Variants in FOXP2 observed in about 807,000 individuals in gnomAD.
FOXP2 encodes forkhead box protein P2.
In FOXP2, 12 loss-of-function variants were observed where a neutral mutation model predicts 115.8. That is an observed-to-expected ratio of 0.10 (90% CI 0.07 to 0.17). The LOEUF is 0.17. Among genes scored for constraint, FOXP2 ranks in the 10% least tolerant of loss-of-function variants. FOXP2 has a pLI of 1.00. For missense variants in FOXP2, 629 were observed against 843.5 expected (o/e 0.75, Z 3.15); for synonymous variants, 328 against 297.7 (o/e 1.10, Z -1.05).
At chr7:114,501,378 A>G (rs1439063880) in intron 2 of FOXP2, among the ~76,000 whole-genome samples, 7 of 152,180 alleles carry the variant, frequency 4.6e-5, no homozygotes, top group Non-Finnish European at 1.0e-4. Context: ...AGCTGTGCAC[A>G]TCATTTCTTA....
At chr7:114,136,871 C>T (rs1433807414) in intron 1 of FOXP2, among the ~76,000 whole-genome samples, 7 of 151,970 alleles carry the variant, frequency 4.6e-5, no homozygotes, top group Admixed American at 3.9e-4. Flanking sequence ...TATTATTCCA[C>T]AGTGAATCCC....
chr7:114,454,482 C>A (rs919931059), intron 2 of FOXP2, among the ~76,000 whole-genome samples: 16 of 151,798 alleles, frequency 1.1e-4, no homozygotes, highest in Non-Finnish European at 2.2e-4. Flanking sequence ...GGATCTAGAA[C>A]TAGAAATACC....
intron 16 of FOXP2, among the ~76,000 whole-genome samples, chr7:114,681,347 A>T (rs1318977254): frequency 6.6e-6 from 1 of 152,184 alleles, no homozygotes; most frequent in Admixed American, 6.6e-5. Context: ...ACTTTCTAAC[A>T]GGCTTATATA....
intron 16 of FOXP2, chr7:114,667,641 G>C (rs1323672117): frequency 6.6e-6 from 1 of 152,034 alleles, no homozygotes; most frequent in Non-Finnish European, 1.5e-5. Flanking sequence ...ATACATAAGG[G>C]AATACAGAAT....
At chr7:114,579,031 T>G (rs561775187) in intron 3 of FOXP2, among the ~76,000 whole-genome samples, 1 of 152,304 alleles carries the variant, frequency 6.6e-6, no homozygotes, top group South Asian at 2.1e-4. Flanking sequence ...TTTCTCTTTA[T>G]TTAGACTATA....
At chr7:114,582,241 G>GT (rs1801909139) in intron 3 of FOXP2, among the ~76,000 whole-genome samples, 1 of 152,128 alleles carries the variant, frequency 6.6e-6, no homozygotes, top group Admixed American at 6.5e-5. Context: ...TCTGAATTGG[G>GT]TAGAAATTTA....
chr7:114,401,354 T>C lies in FOXP2; in HGVS notation c.-10-25148T>C, dbSNP rs182114150. 1.5e-3 allele frequency among the ~76,000 whole-genome samples: 231 copies of C among 152,332 alleles called. 1 individual carries two copies. The highest frequency in any genetic ancestry group is 5.1e-3 in the African/African-American group (213 of 41,576). On this transcript the variant is annotated intron_variant, in intron 2 of 17. Transcript: ENST00000634411. ...TCCAGAAAGTTTGCACTGAAACTTT[T>C]GCTTTTTTAAAGAAACAGTTTCTTC...
chr7:114,460,231 C>G (rs1414270704), intron 2 of FOXP2, among the ~76,000 whole-genome samples: 3 of 152,108 alleles, frequency 2.0e-5, no homozygotes, highest in South Asian at 2.1e-4. Flanking sequence ...AGTCATGGCT[C>G]AAAGAACCCA....
intron 2 of FOXP2, among the ~76,000 whole-genome samples, chr7:114,492,565 C>G (rs996831459): frequency 6.6e-6 from 1 of 152,016 alleles, no homozygotes; most frequent in South Asian, 2.1e-4. Context: ...ATAAATTTCC[C>G]TCCACACACT....
chr7:114,483,291 A>G (rs1718791529), intron 2 of FOXP2, among the ~76,000 whole-genome samples: 2 of 151,494 alleles, frequency 1.3e-5, no homozygotes, highest in Non-Finnish European at 1.5e-5. Context: ...GGATTATTGC[A>G]TGGTTGGTCT....
chr7:114,609,641 T>G (rs1208317258), intron 3 of FOXP2, among the ~76,000 whole-genome samples: 1 of 152,228 alleles, frequency 6.6e-6, no homozygotes, highest in African/African-American at 2.4e-5. Flanking sequence ...TTTTGAGCCT[T>G]CAATTTTATG....
chr7:114,238,364 A>C (rs1795065181), intron 1 of FOXP2, among the ~76,000 whole-genome samples: 1 of 152,132 alleles, frequency 6.6e-6, no homozygotes, highest in Admixed American at 6.5e-5. Flanking sequence ...ATTTCACTGC[A>C]TATAAAGTTT....
intron 1 of FOXP2, among the ~76,000 whole-genome samples, chr7:114,116,922 T>A (rs1156313757): frequency 1.3e-5 from 2 of 151,994 alleles, no homozygotes; most frequent in Non-Finnish European, 2.9e-5. Flanking sequence ...AGGTAATCCT[T>A]TGGGGGAATA....
At chr7:114,630,757 T>G (rs1178830318) in intron 5 of FOXP2, 1 of 152,950 alleles carries the variant, frequency 6.5e-6, no homozygotes, top group Non-Finnish European at 1.5e-5. Context: ...CTCCCTTATT[T>G]CTCCCGAGGC....
chr7:114,128,960 A>T (rs193212037), intron 1 of FOXP2, among the ~76,000 whole-genome samples: 1 of 152,194 alleles, frequency 6.6e-6, no homozygotes, highest in East Asian at 1.9e-4. Context: ...TCTTATTAGG[A>T]CATAAAAAAC....
intron 1 of FOXP2, among the ~76,000 whole-genome samples, chr7:114,253,032 C>T (rs187016410): frequency 2.0e-5 from 3 of 152,262 alleles, no homozygotes; most frequent in African/African-American, 7.2e-5. Flanking sequence ...ATTATTTCTG[C>T]CTTCATTTCG....
intron 2 of FOXP2, among the ~76,000 whole-genome samples, chr7:114,335,451 T>G (rs954110084): frequency 1.4e-4 from 22 of 152,008 alleles, no homozygotes; most frequent in Non-Finnish European, 2.8e-4. Flanking sequence ...GAAAACAGCT[T>G]CATTAATTAC....
intron 2 of FOXP2, among the ~76,000 whole-genome samples, chr7:114,463,656 A>G (rs17137041): frequency 0.024 from 3,676 of 152,294 alleles, 110 homozygotes; most frequent in African/African-American, 0.07. Context: ...GTAAAAAAAT[A>G]CAATTAAAAT....
chr7:114,411,389 A>C (rs999525413), upstream of FOXP2, among the ~76,000 whole-genome samples: 1 of 152,138 alleles, frequency 6.6e-6, no homozygotes, highest in African/African-American at 2.4e-5. Context: ...ACATTTGAAA[A>C]AGCACAGAAT....
Sources: gnomAD v4.1 joint callset for allele counts (sites outside exome capture counted in the v4.1 genomes callset) on GRCh38, gnomAD v4.1.1 for gene constraint, MANE v1.5 for transcripts, NCBI Gene and HGNC (gene_info 2026-07-23, HGNC 2026-07-21) for gene names.